Variants in MACROD2 observed in about 807,000 individuals in gnomAD.
MACROD2 encodes the protein ADP-ribose glycohydrolase MACROD2.
In MACROD2, 36 loss-of-function variants were observed where a neutral mutation model predicts 70.4. The ratio of observed to expected loss-of-function variants is 0.51; its 90% CI spans 0.39 to 0.68. MACROD2 has a LOEUF of 0.68. MACROD2 is among the 30% of genes least tolerant of loss of function. The pLI, the probability that MACROD2 is intolerant of heterozygous loss-of-function variation, is 0.00. For synonymous variants in MACROD2, 172 were observed against 178.8 expected, an observed-to-expected ratio of 0.96 and a Z score of 0.30; for missense variants, 496 against 538.4, an observed-to-expected ratio of 0.92 and a Z score of 0.78.
At chr20:15,062,093 T>C (rs2075537238) in intron 5 of MACROD2, among the ~76,000 whole-genome samples, 2 of 152,184 alleles carry the variant, frequency 1.3e-5, no homozygotes, top group South Asian at 4.1e-4. Context: ...ACATACCTTA[T>C]ATTTGCTGAT....
At chr20:14,347,369 G>T (rs2083074566) in intron 3 of MACROD2, among the ~76,000 whole-genome samples, 1 of 152,046 alleles carries the variant, frequency 6.6e-6, no homozygotes, top group Non-Finnish European at 1.5e-5. Context: ...AATTATAGAG[G>T]CCAATTATGA....
chr20:15,427,445 G>A (rs1029449831), intron 6 of MACROD2, among the ~76,000 whole-genome samples: 4 of 152,202 alleles, frequency 2.6e-5, no homozygotes, highest in Non-Finnish European at 4.4e-5. Flanking sequence ...AGAGGGAAGC[G>A]AAAGGGAGTT....
chr20:15,327,197 G>A (rs575982938), intron 6 of MACROD2, among the ~76,000 whole-genome samples: 3 of 152,044 alleles, frequency 2.0e-5, no homozygotes, highest in Admixed American at 6.6e-5. Context: ...TAACAAACTG[G>A]GAGAAACTTA....
intron 3 of MACROD2, among the ~76,000 whole-genome samples, chr20:14,207,418 C>G (rs1308673342): frequency 2.0e-5 from 3 of 152,114 alleles, no homozygotes; most frequent in Admixed American, 1.3e-4. Flanking sequence ...CACTTCTTGA[C>G]TGACGAGGGA....
At chr20:15,091,579 C>T (rs548552546) in intron 5 of MACROD2, among the ~76,000 whole-genome samples, 21 of 152,018 alleles carry the variant, frequency 1.4e-4, no homozygotes, top group African/African-American at 4.1e-4. Flanking sequence ...TAAACCAAAC[C>T]GCATGTTAAC....
At position 15,808,137 on chromosome 20, in the gene MACROD2, G is replaced by A. The variant is rs2063785966; in HGVS notation, c.646-54608G>A. On this transcript the variant is annotated intron_variant, in intron 8 of 17. Coordinates refer to ENST00000684519, the MANE Select transcript of MACROD2 (RefSeq NM_001351661.2). ...TGAGCCCTTAAAAGGGACAGGAATT[G>A]CTTACTCGGGGAGCTCGGCTCTTGA... is the stretch of plus-strand genomic sequence containing the variant. 2.0e-5 allele frequency among the ~76,000 whole-genome samples: 3 copies of A among 152,244 alleles called. No homozygotes were observed. The South Asian group carries it at 6.2e-4, about 32-fold the overall frequency.
chr20:15,154,872 G>C (rs2076296169), intron 5 of MACROD2, among the ~76,000 whole-genome samples: 1 of 152,124 alleles, frequency 6.6e-6, no homozygotes, highest in Non-Finnish European at 1.5e-5. Context: ...ATATAGGAAA[G>C]CATTTTCAGT....
intron 4 of MACROD2, among the ~76,000 whole-genome samples, chr20:14,506,526 A>G (rs1169919098): frequency 6.6e-6 from 1 of 152,136 alleles, no homozygotes; most frequent in Non-Finnish European, 1.5e-5. Flanking sequence ...AAAAGCAAGA[A>G]TAAAAAAAAA....
rs534777413 is a variant in MACROD2 at position 15,632,802 on chromosome 20, C to T, written c.645+132955C>T. 7.9e-5 allele frequency among the ~76,000 whole-genome samples: 12 copies of T among 152,010 alleles called. No homozygotes were observed. In the South Asian group the frequency reaches 2.3e-3, roughly 29 times the overall value. ...TCCGTTCTCCTTCCTTCCCTCCTCC[C>T]CTGCTGTCCTCCTTTCCTCCCTCCT... On this transcript the variant is annotated intron_variant, in intron 8 of 17. Transcript: ENST00000684519.
intron 8 of MACROD2, among the ~76,000 whole-genome samples, chr20:15,856,403 G>A (rs2064356781): frequency 6.6e-6 from 1 of 152,090 alleles, no homozygotes; most frequent in African/African-American, 2.4e-5. Context: ...TAGTGCTTTT[G>A]TTTTTCTTTT....
chr20:14,583,381 C>A (rs1226271151), intron 4 of MACROD2, among the ~76,000 whole-genome samples: 2 of 152,174 alleles, frequency 1.3e-5, no homozygotes, highest in East Asian at 3.9e-4. Context: ...AGGTGGGCAA[C>A]CCTGGGAGGC....
At chr20:14,121,099 A>G (rs1297740906) in intron 3 of MACROD2, among the ~76,000 whole-genome samples, 1 of 152,270 alleles carries the variant, frequency 6.6e-6, no homozygotes, top group Admixed American at 6.5e-5. Flanking sequence ...TATTGTTTCT[A>G]TTAGCTTAAG....
intron 5 of MACROD2, among the ~76,000 whole-genome samples, chr20:14,751,313 C>T (rs777510702): frequency 8.8e-6 from 1 of 113,344 alleles, no homozygotes; most frequent in African/African-American, 2.9e-5. Context: ...TTCAGTTCCT[C>T]CCTTTTTTTT....
intron 4 of MACROD2, among the ~76,000 whole-genome samples, chr20:14,535,073 C>A (rs907102491): frequency 3.3e-5 from 5 of 152,170 alleles, no homozygotes; most frequent in African/African-American, 1.2e-4. Flanking sequence ...CTGATGAGTA[C>A]TTTCTAGTTA....
At chr20:15,076,252 A>G (rs1407860908) in intron 5 of MACROD2, among the ~76,000 whole-genome samples, 1 of 152,166 alleles carries the variant, frequency 6.6e-6, no homozygotes, top group East Asian at 1.9e-4. Context: ...TTTCCATTAC[A>G]GAAAAGTACT....
rs549498248 is a variant in MACROD2 at position 15,520,686 on chromosome 20, C to T, written c.645+20839C>T. Reference sequence around the variant, plus strand: ...ATTGGCTGTATGGTATGCCGGGTCCCTCTGTGGCACTACTGAGAGTCAGAC... The same window carrying T: ...ATTGGCTGTATGGTATGCCGGGTCCTTCTGTGGCACTACTGAGAGTCAGAC... On this transcript the variant is annotated intron_variant, in intron 8 of 17. Coordinates refer to ENST00000684519, the MANE Select transcript of MACROD2 (RefSeq NM_001351661.2). 2.0e-5 allele frequency among the ~76,000 whole-genome samples: 3 copies of T among 152,304 alleles called. No homozygotes were observed. The South Asian group carries it at 6.2e-4, about 32-fold the overall frequency.
intron 4 of MACROD2, among the ~76,000 whole-genome samples, chr20:14,548,809 A>G (rs1978450545): frequency 6.6e-6 from 1 of 151,652 alleles, no homozygotes; most frequent in Non-Finnish European, 1.5e-5. Flanking sequence ...CCCTGGAAGT[A>G]TTAAATGAAC....
chr20:15,205,674 AATAG>A (rs1006350078), intron 5 of MACROD2, among the ~76,000 whole-genome samples: 11 of 152,370 alleles, frequency 7.2e-5, no homozygotes, highest in Admixed American at 4.6e-4. Flanking sequence ...AAGAAGAGAA[AATAG>A]ATAGAGGTAG....
intron 13 of MACROD2, chr20:15,985,796 C>G (rs2066473087): frequency 1.3e-5 from 2 of 152,268 alleles, no homozygotes; most frequent in Non-Finnish European, 2.9e-5. Context: ...GACAAAACTT[C>G]TCAGACACCG....
Sources: gnomAD v4.1 joint callset for allele counts (sites outside exome capture counted in the v4.1 genomes callset) on GRCh38, gnomAD v4.1.1 for gene constraint, MANE v1.5 for transcripts, NCBI Gene and HGNC (gene_info 2026-07-23, HGNC 2026-07-21) for gene names.